The following SCUBE1 variants were observed in gnomAD, a reference collection of about 807,000 sequenced individuals.
SCUBE1 encodes the protein signal peptide, CUB domain and EGF like domain containing 1.
SCUBE1 carries 59 observed loss-of-function variants against 124.4 expected under a neutral mutation model. The observed-to-expected ratio is 0.47, with a 90% CI of 0.38 to 0.59. The LOEUF (loss-of-function observed/expected upper bound fraction) is 0.59, where lower values mean the gene tolerates loss of function less well. Ranked by LOEUF, SCUBE1 falls within the 20% of genes least tolerant of loss-of-function variation. The pLI is 0.00. For synonymous variants in SCUBE1, 545 were observed against 550.9 expected, an observed-to-expected ratio of 0.99 and a Z score of 0.15; for missense variants, 1,150 against 1,371.2, an observed-to-expected ratio of 0.84 and a Z score of 2.55.
intron 17 of SCUBE1, 122 bp downstream of exon 17, chr22:43,212,303 C>A: frequency 8.9e-7 from 1 of 1,125,658 alleles, no homozygotes; most frequent in South Asian, 1.6e-5. Flanking sequence ...CAGCTCCAGG[C>A]TCCTCCTCTG....
chr22:43,212,685 G>A lies in SCUBE1; in HGVS notation c.2054-93C>T, dbSNP rs377426544. 429 of 1,385,800 alleles carry A rather than the reference G, an allele frequency of 3.1e-4. 1 individual carries two copies. The African/African-American group carries it at 3.8e-3, about 12-fold the overall frequency. The allele number at this position is 1,385,800 out of a possible 1,614,324, so 85.8% of individuals were successfully genotyped here. ...CAGGCCCCGCTCTTGGCCCTTGCCC[G>A]GCCCTGGAAAAGGTACTGGGCACCC... On this transcript the variant is annotated intron_variant, in intron 16 of 21. Coordinates refer to ENST00000360835, the MANE Select transcript of SCUBE1 (RefSeq NM_173050.5).
chr22:43,249,467 C>T (rs763013483), intron 6 of SCUBE1, among the ~76,000 whole-genome samples: 13 of 152,122 alleles, frequency 8.5e-5, no homozygotes, highest in Non-Finnish European at 1.8e-4. Flanking sequence ...AGTGTGTGCC[C>T]CCTAAGTGTC....
chr22:43,343,152 C>T, intron 1 of SCUBE1, 22 bp downstream of exon 1: 1 of 1,138,812 alleles, frequency 8.8e-7, no homozygotes, highest in Non-Finnish European at 1.1e-6. Context: ...CCCGCCGCCC[C>T]CCACCTCGGT....
At chr22:43,214,867 T>C (rs1368229840) in intron 15 of SCUBE1, among the ~76,000 whole-genome samples, 1 of 152,100 alleles carries the variant, frequency 6.6e-6, no homozygotes, top group Non-Finnish European at 1.5e-5. Flanking sequence ...GGAGCCGAGT[T>C]TCTCAGTGCT....
At chr22:43,232,937 TC>T (rs1420385234) in intron 7 of SCUBE1, among the ~76,000 whole-genome samples, 2 of 152,160 alleles carry the variant, frequency 1.3e-5, no homozygotes, top group South Asian at 4.1e-4. Context: ...AGGGACACAG[TC>T]TCAGCTACTC....
At position 43,214,163 on chromosome 22, in the gene SCUBE1, C is replaced by A; in HGVS notation, c.1980G>T (p.Gln660His). The change falls in exon 16 of 22, where the codon CAG (glutamine) becomes CAT (histidine). Residue 660 changes from glutamine (Q) to histidine (H), a missense_variant. This residue lies in a region of SCUBE1 where 757 missense variants were observed against 840.9 expected (regional missense o/e 0.90). Coordinates refer to ENST00000360835, the MANE Select transcript of SCUBE1 (RefSeq NM_173050.5). Reference protein sequence around the residue: ...MPGTYQDMEGQLSCTPCPSSD... With the variant: ...MPGTYQDMEGHLSCTPCPSSD... ...TGCTGGGGCACGGTGTGCAACTGAG[C>A]TGGCCTTCCATGTCCTGGTATGTTC... 3 of 1,612,396 alleles carry A rather than the reference C, an allele frequency of 1.9e-6. No homozygotes were observed. The highest frequency in any genetic ancestry group is 1.7e-6 in the Non-Finnish European group (2 of 1,179,542).
rs144015620 is a variant in SCUBE1 at position 43,255,392 on chromosome 22, C to T, written c.727+2827G>A. Reference sequence around the variant, plus strand: ...GTCACACCCACACACAGCACACACACGCCCATGTCCACATGCCAGTGCGCA... The same window carrying T: ...GTCACACCCACACACAGCACACACATGCCCATGTCCACATGCCAGTGCGCA... On this transcript the variant is annotated intron_variant, in intron 6 of 21. Coordinates refer to ENST00000360835, the MANE Select transcript of SCUBE1 (RefSeq NM_173050.5). This position sits in a 1 kb window ranked among gnomAD's most constrained non-coding sequence, Gnocchi z 4.7. 9.5e-5 allele frequency: 100 copies of T among 1,055,342 alleles called. 1 individual carries two copies. The East Asian group carries it at 2.0e-3, about 21-fold the overall frequency. 65.4% of individuals were successfully genotyped at this position (1,055,342 alleles called of 1,614,324 possible). A position where few individuals can be genotyped will look rare whatever the true frequency, so the allele number is the denominator to read the frequency against.
intron 3 of SCUBE1, among the ~76,000 whole-genome samples, chr22:43,317,784 G>C (rs1926402585): frequency 6.6e-6 from 1 of 152,224 alleles, no homozygotes; most frequent in African/African-American, 2.4e-5. Flanking sequence ...GCAGCTCCCA[G>C]TACTTGTGAA....
At chr22:43,245,157 G>A (rs549440129) in intron 6 of SCUBE1, among the ~76,000 whole-genome samples, 2 of 152,240 alleles carry the variant, frequency 1.3e-5, no homozygotes, top group Non-Finnish European at 2.9e-5. Context: ...TCTGAACTCC[G>A]GGGAGGCCCT....
intron 3 of SCUBE1, among the ~76,000 whole-genome samples, chr22:43,291,888 G>C (rs916575613): frequency 1.9e-4 from 29 of 152,260 alleles, no homozygotes; most frequent in African/African-American, 7.0e-4. Context: ...GTGCGGAGGG[G>C]CAAAGTCACT....
intron 3 of SCUBE1, among the ~76,000 whole-genome samples, chr22:43,306,230 C>T (rs924088791): frequency 2.6e-5 from 4 of 152,138 alleles, no homozygotes; most frequent in African/African-American, 9.7e-5. Context: ...GCCACGGCTC[C>T]GTGTCTGGTT....
chr22:43,218,584 C>T (rs1360412647), intron 14 of SCUBE1, 126 bp from the exon 15 acceptor site: 1 of 938,314 alleles, frequency 1.1e-6, no homozygotes, highest in Non-Finnish European at 1.6e-6. Flanking sequence ...ATTCTCACAA[C>T]AGTCCTGGGG....
chr22:43,250,629 T>C (rs1270809516), intron 6 of SCUBE1, among the ~76,000 whole-genome samples: 2 of 152,176 alleles, frequency 1.3e-5, no homozygotes, highest in Non-Finnish European at 2.9e-5. Context: ...TGCCTTTCTG[T>C]GCCCCCATGT....
At chr22:43,249,591 T>C (rs971759160) in intron 6 of SCUBE1, among the ~76,000 whole-genome samples, 4 of 152,188 alleles carry the variant, frequency 2.6e-5, no homozygotes, top group African/African-American at 9.7e-5. Flanking sequence ...AGCTCTGGCC[T>C]GTGTGCTGGG....
At chr22:43,244,841 C>A (rs753681255) in intron 6 of SCUBE1, among the ~76,000 whole-genome samples, 4 of 152,284 alleles carry the variant, frequency 2.6e-5, no homozygotes, top group African/African-American at 9.6e-5. Context: ...TTCCTCCCTG[C>A]CCCTCAGTGG....
intron 2 of SCUBE1, among the ~76,000 whole-genome samples, chr22:43,322,218 C>T (rs556073076): frequency 6.6e-6 from 1 of 152,230 alleles, no homozygotes; most frequent in East Asian, 1.9e-4. Flanking sequence ...CTCCTGACCT[C>T]GTGATCCGCC....
At chr22:43,314,327 C>T (rs1432252045) in intron 3 of SCUBE1, among the ~76,000 whole-genome samples, 2 of 152,094 alleles carry the variant, frequency 1.3e-5, no homozygotes, top group Non-Finnish European at 2.9e-5. Context: ...CTGTGGCGAA[C>T]AAGAGAGTAC....
chr22:43,335,805 A>G (rs373706005), intron 2 of SCUBE1, among the ~76,000 whole-genome samples: 6,902 of 148,246 alleles, frequency 0.047, 206 homozygotes, highest in African/African-American at 0.078. Context: ...GATGATGGTG[A>G]TGATGATGAT....
intron 5 of SCUBE1, 53 bp downstream of exon 5, chr22:43,262,667 G>C: frequency 6.2e-7 from 1 of 1,601,478 alleles, no homozygotes; most frequent in South Asian, 1.1e-5. Flanking sequence ...CCTCCAGAAA[G>C]TAATGGCAGG....
Sources: allele counts gnomAD v4.1 joint callset (sites outside exome capture counted in the v4.1 genomes callset), GRCh38; gene constraint gnomAD v4.1.1; regional missense constraint gnomAD v4.1.1; non-coding constraint Gnocchi (gnomAD v3.1); transcripts MANE v1.5; gene names NCBI Gene and HGNC (gene_info 2026-07-23, HGNC 2026-07-21).